Variants in RNF213 observed in about 807,000 individuals in gnomAD.
RNF213 encodes the protein E3 ubiquitin-protein ligase RNF213.
A neutral mutation model predicts 514.4 loss-of-function variants in RNF213; 341 were observed. That is an observed-to-expected ratio of 0.66 (90% CI 0.61 to 0.73). The LOEUF (loss-of-function observed/expected upper bound fraction) is 0.73, where lower values mean the gene tolerates loss of function less well. Ranked by LOEUF, RNF213 falls within the 30% of genes least tolerant of loss-of-function variation. The pLI, the probability that RNF213 is intolerant of heterozygous loss-of-function variation, is 0.00. For synonymous variants in RNF213, 2,655 were observed against 2,658.2 expected, an observed-to-expected ratio of 1.00 and a Z score of 0.04; for missense variants, 5,767 against 6,615.6, an observed-to-expected ratio of 0.87 and a Z score of 4.45.
chr17:80,302,775 G>A (rs917989559), intron 11 of RNF213, among the ~76,000 whole-genome samples: 12 of 152,120 alleles, frequency 7.9e-5, no homozygotes, highest in East Asian at 5.8e-4. Context: ...TGAGAGGATC[G>A]CTTGAGCCAG....
At chr17:80,298,732 A>AGAC (rs1568031437) in intron 11 of RNF213, 1 of 534,262 alleles carries the variant, frequency 1.9e-6, no homozygotes, top group East Asian at 3.6e-5. Context: ...TGGGAGGCTG[A>AGAC]GACGGGTGGA....
In RNF213 at chr17:80,313,115, A is replaced by G. The variant is rs755126939; in HGVS notation, c.2759A>G (p.Lys920Arg). Residue 920 changes from lysine (K) to arginine (R), a missense_variant, in exon 15 of 68, where the codon AAG becomes AGG. This residue lies in a region of RNF213 where 592 missense variants were observed against 673.9 expected (regional missense o/e 0.88). Transcript: ENST00000582970. ...AGGTGGCTCCGAGAAGTTTTTACAAAGAACATGCTCACATCTTCAGGTGCC... is the reference window on the plus strand; with the variant it reads ...AGGTGGCTCCGAGAAGTTTTTACAAGGAACATGCTCACATCTTCAGGTGCC... ...TKRWLREVFT[K>R]NMLTSSGASF... is the part of the protein sequence containing the mutation. 1.9e-6 allele frequency: 3 copies of G among 1,614,180 alleles called. No individual in the cohort carries two copies. Among genetic ancestry groups the G allele is most frequent in the Non-Finnish European group, 2.5e-6 (3 of 1,180,046 alleles).
At chr17:80,286,698 G>A (rs1285161444) in intron 3 of RNF213, among the ~76,000 whole-genome samples, 1 of 152,118 alleles carries the variant, frequency 6.6e-6, no homozygotes, top group African/African-American at 2.4e-5. Context: ...GGGGCGTGGA[G>A]TGGGCACAGG....
chr17:80,341,256 G>A (rs1431499889), intron 26 of RNF213: 1 of 152,272 alleles, frequency 6.6e-6, no homozygotes, highest in African/African-American at 2.4e-5. Flanking sequence ...TACTTCTTCT[G>A]CCCTTAAATG....
At chr17:80,384,629 G>A (rs911538932) in intron 59 of RNF213, among the ~76,000 whole-genome samples, 9 of 152,104 alleles carry the variant, frequency 5.9e-5, no homozygotes, top group Non-Finnish European at 1.3e-4. Flanking sequence ...GTTTCACTAC[G>A]TCGAAGATGC....
At position 80,385,538 on chromosome 17, in the gene RNF213, A is replaced by G. The variant is rs140667469; in HGVS notation, c.14456A>G (p.Asp4819Gly). Residue 4819 changes from aspartate to glycine, a missense_variant and splice_region_variant, in exon 61 of 68, where the codon GAT becomes GGT. Coordinates refer to ENST00000582970, the MANE Select transcript of RNF213 (RefSeq NM_001256071.3). ...TCTTACCAAGTATTCTGTTCAACAG[A>G]TGGGTTGAGGCAGCTGCTTCACAAC... ...IRGFLSKHSS[D>G]GLRQLLHNRI... is the part of the protein sequence containing the mutation. The G allele has an allele frequency of 1.9e-6, 3 of 1,613,828 alleles. No individual in the cohort carries two copies. Among genetic ancestry groups the G allele is most frequent in the Non-Finnish European group, 2.5e-6 (3 of 1,179,874 alleles).
At chr17:80,291,918 C>A in intron 8 of RNF213, 91 bp downstream of exon 8, 1 of 1,425,546 alleles carries the variant, frequency 7.0e-7, no homozygotes, top group Non-Finnish European at 9.7e-7. Flanking sequence ...AGAGCACAGA[C>A]TTTGCCTGGG....
intron 25 of RNF213, among the ~76,000 whole-genome samples, chr17:80,338,784 C>T (rs1246697227): frequency 6.6e-6 from 1 of 151,646 alleles, no homozygotes; most frequent in African/African-American, 2.4e-5. Flanking sequence ...CCCATCTCTA[C>T]TAAAATTACA....
chr17:80,381,845 C>A, intron 57 of RNF213, 118 bp downstream of exon 57: 2 of 1,001,502 alleles, frequency 2.0e-6, no homozygotes, highest in Non-Finnish European at 3.0e-6. Flanking sequence ...TGTGCTGTTG[C>A]TGGAAAGAAT....
In RNF213 at chr17:80,294,868, C is replaced by A; in HGVS notation, c.1620C>A (p.Ile540=). 1.2e-6 allele frequency: 2 copies of A among 1,614,224 alleles called. No individual in the cohort carries two copies. The highest frequency in any genetic ancestry group is 8.5e-7 in the Non-Finnish European group (1 of 1,180,048). The part of the protein sequence containing the change: ...AALMLDSTFS[I]LQTWDTINLN... ...TCATGCTGGACAGCACCTTCAGCATCCTGCAGACCTGGGACACCATCAACC... is the reference window on the plus strand; with the variant it reads ...TCATGCTGGACAGCACCTTCAGCATACTGCAGACCTGGGACACCATCAACC... Residue 540 remains isoleucine, a synonymous_variant, in exon 9 of 68, where the codon ATC becomes ATA. Transcript: ENST00000582970.
At position 80,367,969 on chromosome 17, in the gene RNF213, T is replaced by C; in HGVS notation, c.11981T>C (p.Ile3994Thr). 6.2e-7 allele frequency: 1 copy of C among 1,614,272 alleles called. No individual in the cohort carries two copies. ...CCCTTCTTGGATTCTAGGTTTGGGA[T>C]TCAGCCGTGCTCCATCTGCCTGGGA... ...TASKTLSRFG[I>T]QPCSICLGDA... The change falls in exon 44 of 68, where the codon ATT (isoleucine) becomes ACT (threonine). Residue 3994 changes from isoleucine (I) to threonine (T), a missense_variant. This residue lies in a region of RNF213 where 355 missense variants were observed against 358.0 expected (regional missense o/e 0.99). Transcript: ENST00000582970.
At chr17:80,363,489 A>C in intron 40 of RNF213, 120 bp from the exon 41 acceptor site, 2 of 1,288,082 alleles carry the variant, frequency 1.6e-6, no homozygotes, top group Non-Finnish European at 2.2e-6. Flanking sequence ...CACATCCTAG[A>C]CAATGAAAGT....
chr17:80,344,746 G>T lies in RNF213; in HGVS notation c.6411G>T (p.Glu2137Asp). 2 of 1,614,184 alleles carry T rather than the reference G, an allele frequency of 1.2e-6. No homozygotes were observed. Among genetic ancestry groups the T allele is most frequent in the Non-Finnish European group, 8.5e-7 (1 of 1,180,032 alleles). ...AAGTCACCTGCAGGCCTCCCAAAGA[G>T]GTGATAGACATGGAGCTGAGTGCCC... ...FPKVTCRPPK[E>D]VIDMELSALR... Residue 2137 changes from glutamate to aspartate, a missense_variant, in exon 29 of 68, where the codon GAG becomes GAT. Transcript: ENST00000582970.
chr17:80,278,236 C>T (rs994988063), intron 3 of RNF213, among the ~76,000 whole-genome samples: 4 of 150,146 alleles, frequency 2.7e-5, no homozygotes, highest in Non-Finnish European at 5.9e-5. Context: ...GGTCTCCCGG[C>T]GATGCCCGGT....
chr17:80,372,961 C>T lies in RNF213; in HGVS notation c.12752-14C>T, dbSNP rs767612755. 4.3e-6 allele frequency: 7 copies of T among 1,611,910 alleles called. No homozygotes were observed. Among genetic ancestry groups the T allele is most frequent in the Middle Eastern group, 1.6e-4 (1 of 6,080 alleles). On this transcript the variant is annotated splice_polypyrimidine_tract_variant and intron_variant, in intron 48 of 67. Coordinates refer to ENST00000582970, the MANE Select transcript of RNF213 (RefSeq NM_001256071.3). ...GTCACCAGCCACTCACCCGCTTTCT[C>T]GTTGGCCTCTCAGAGATGGCCAAGG...
chr17:80,313,090 AG>A lies in RNF213; in HGVS notation c.2736del (p.Arg912SerfsTer76), dbSNP rs779019214. The A allele has an allele frequency of 2.7e-5, 44 of 1,614,024 alleles. No homozygotes were observed. Among genetic ancestry groups the A allele is most frequent in the Non-Finnish European group, 3.5e-5 (41 of 1,180,038 alleles). On this transcript the variant is annotated frameshift_variant, in exon 15 of 68. Transcript: ENST00000582970. LOFTEE classifies it high-confidence loss of function. ...VFQGTLAATK[R>X]WLREVFTKNM... ...CCAAGGGACCCTTGCTGCTACGAAA[AG>A]GTGGCTCCGAGAAGTTTTTACAAAG...
At chr17:80,328,120 C>T in intron 19 of RNF213, 131 bp downstream of exon 19, 1 of 1,197,534 alleles carries the variant, frequency 8.4e-7, no homozygotes, top group African/African-American at 1.5e-5. Context: ...TCTCTTCTTG[C>T]TCATAAGTTG....
Position 80,369,598 on chromosome 17 carries a change from T to G in RNF213, c.12252T>G (p.Pro4084=), listed in dbSNP as rs766228096. 1.2e-6 allele frequency: 2 copies of G among 1,614,262 alleles called. No homozygotes were observed. Among genetic ancestry groups the G allele is most frequent in the Non-Finnish European group, 1.7e-6 (2 of 1,180,046 alleles). The change falls in exon 45 of 68, where the codon CCT becomes CCG. Residue 4084 remains proline (P), a synonymous_variant. Transcript: ENST00000582970. ...TTTGCTTCAAGGACAACGCTCCGCC[T>G]GAGAAGGAAGTGATTGAGAGCCTGC... is the stretch of plus-strand genomic sequence containing the variant. ...STICFKDNAP[P]EKEVIESLLS...
intron 57 of RNF213, 35 bp downstream of exon 57, chr17:80,381,762 A>G: frequency 1.3e-6 from 2 of 1,591,894 alleles, no homozygotes; most frequent in African/African-American, 1.3e-5. Flanking sequence ...CGGGGATCAC[A>G]CAGCACAACG....
Sources: allele counts gnomAD v4.1 joint callset (sites outside exome capture counted in the v4.1 genomes callset), GRCh38; gene constraint gnomAD v4.1.1; regional missense constraint gnomAD v4.1.1; transcripts MANE v1.5; gene names NCBI Gene and HGNC (gene_info 2026-07-23, HGNC 2026-07-21).